ZNF217: variants seen among roughly 807,000 people sequenced by gnomAD.
ZNF217 encodes zinc finger protein 217.
A neutral mutation model predicts 73.3 loss-of-function variants in ZNF217; 12 were observed. The ratio of observed to expected loss-of-function variants is 0.16; its 90% CI spans 0.10 to 0.27. The LOEUF (loss-of-function observed/expected upper bound fraction) is 0.27, where lower values mean the gene tolerates loss of function less well. Among genes scored for constraint, ZNF217 ranks in the 10% least tolerant of loss-of-function variants. The pLI is 1.00. For synonymous variants in ZNF217, 588 were observed against 516.4 expected (o/e 1.14, Z -1.88); for missense variants, 1,195 against 1,327.8 (o/e 0.90, Z 1.55).
upstream of ZNF217, among the ~76,000 whole-genome samples, chr20:53,595,767 A>G (rs1600736119): frequency 6.6e-6 from 1 of 152,352 alleles, no homozygotes; most frequent in African/African-American, 2.4e-5. Context: ...ATATTTTTTA[A>G]ACTTATTGTC....
upstream of ZNF217, among the ~76,000 whole-genome samples, chr20:53,595,488 ACAGCT>A (rs1346328224): frequency 3.3e-5 from 5 of 152,240 alleles, no homozygotes; most frequent in Non-Finnish European, 7.3e-5. Context: ...ATTTGAGAAG[ACAGCT>A]CAGCAAAGGG....
At chr20:53,589,434 T>G (rs554990245) in intron 1 of ZNF217, among the ~76,000 whole-genome samples, 5 of 152,308 alleles carry the variant, frequency 3.3e-5, no homozygotes, top group Non-Finnish European at 7.3e-5. Context: ...TTCAGAACAG[T>G]CAGTCAACAA....
chr20:53,582,061 C>T lies in ZNF217; in HGVS notation c.766G>A (p.Gly256Arg), dbSNP rs866075170. Reference protein sequence around the residue: ...TSSAQTDSPQGGMPSSREDFL... With the variant: ...TSSAQTDSPQRGMPSSREDFL... ...TCCTCCCTCGAGGACGGCATTCCTC[C>T]TTGTGGAGAGTCTGTCTGCGCGCTG... The change falls in exon 2 of 6, where the codon GGA becomes AGA. Residue 256 changes from glycine to arginine, a missense_variant. Physicochemically the swap from Gly to Arg is moderately radical, Grantham distance 125. This residue lies in a region of ZNF217 where 126 missense variants were observed against 114.4 expected (regional missense o/e 1.10). Coordinates refer to ENST00000371471, the MANE Select transcript of ZNF217 (RefSeq NM_006526.3). The surrounding 1 kb of genome is among the most constrained non-coding windows in gnomAD (Gnocchi z 4.8). The T allele has an allele frequency of 6.2e-7, 1 of 1,614,102 alleles. No homozygotes were observed. The highest frequency in any genetic ancestry group is 8.5e-7 in the Non-Finnish European group (1 of 1,180,042).
chr20:53,597,588 AATATATTTATATATATGTATATAT>A (rs1989062386), upstream of ZNF217: 1 of 148,976 alleles, frequency 6.7e-6, no homozygotes, highest in African/African-American at 2.5e-5. Context: ...CTATTAAAAA[AATATATTTATATATATGTATATAT>A]ATATATAGCA....
Position 53,567,467 on chromosome 20 carries a change from G to A in ZNF217, c.*1821C>T, listed in dbSNP as rs1055356793. The A allele has an allele frequency of 7.2e-5, 11 of 151,980 alleles. No individual in the cohort carries two copies. The highest frequency in any genetic ancestry group is 1.6e-4 in the Non-Finnish European group (11 of 68,002). 9.4% of individuals were successfully genotyped at this position (151,980 alleles called of 1,614,324 possible). A position where few individuals can be genotyped will look rare whatever the true frequency, so the allele number is the denominator to read the frequency against. ...CGACTTGTTTTCAAATAGATTTGGT[G>A]ATTCTTTTTTTTAAATACAGGTTTA... is the stretch of plus-strand genomic sequence containing the variant. On this transcript the variant is annotated 3_prime_UTR_variant, in exon 6 of 6. Coordinates refer to ENST00000371471, the MANE Select transcript of ZNF217 (RefSeq NM_006526.3).
chr20:53,570,110 C>G (rs1230727941), intron 5 of ZNF217, among the ~76,000 whole-genome samples: 2 of 152,178 alleles, frequency 1.3e-5, no homozygotes, highest in Non-Finnish European at 2.9e-5. Flanking sequence ...CTGTTTGCTA[C>G]TACTGATCAG....
rs992451530 is a variant in ZNF217, at chr20:53,581,164, A to AT, written c.1366+296dup. On this transcript the variant is annotated intron_variant, in intron 2 of 5. Coordinates refer to ENST00000371471, the MANE Select transcript of ZNF217 (RefSeq NM_006526.3). This position sits in a 1 kb window ranked among gnomAD's most constrained non-coding sequence, Gnocchi z 4.9. ...TGCATTTGGGCTGGATGCACAAGTT[A>AT]TTTTTTTTTTAAAGTGTGTTTTGTG... Among the ~76,000 whole-genome samples the AT allele has an allele frequency of 5.3e-5, 8 of 150,296 alleles. No individual in the cohort carries two copies. Among genetic ancestry groups the AT allele is most frequent in the East Asian group, 1.9e-4 (1 of 5,136 alleles).
intron 1 of ZNF217, among the ~76,000 whole-genome samples, chr20:53,592,765 CGA>C (rs1038066038): frequency 1.3e-5 from 2 of 150,222 alleles, no homozygotes; most frequent in Non-Finnish European, 3.0e-5. Flanking sequence ...GGGGCCAAAT[CGA>C]GAGACAAGAG....
rs1344724586 is a variant in ZNF217, at chr20:53,581,595, G to C, written c.1232C>G (p.Ser411Cys). 1.1e-5 allele frequency: 17 copies of C among 1,614,112 alleles called. No homozygotes were observed. The highest frequency in any genetic ancestry group is 1.4e-5 in the Non-Finnish European group (17 of 1,180,048). ...RRAGAESPTM[S>C]VDGRQPGTCS... Reference sequence around the variant, plus strand: ...CGTCCCCGGCTGCCTCCCGTCCACAGACATGGTGGGCGACTCCGCGCCGGC... The same window carrying C: ...CGTCCCCGGCTGCCTCCCGTCCACACACATGGTGGGCGACTCCGCGCCGGC... The change falls in exon 2 of 6, where the codon TCT becomes TGT. Residue 411 changes from serine to cysteine, a missense_variant. Around this residue, in one of 9 missense-constraint regions of ZNF217, gnomAD observed 116 missense variants for 121.9 expected, o/e 0.95. Transcript: ENST00000371471. This position sits in a 1 kb window ranked among gnomAD's most constrained non-coding sequence, Gnocchi z 4.9.
chr20:53,571,937 A>C, intron 4 of ZNF217, 84 bp from the exon 5 acceptor site: 1 of 1,377,194 alleles, frequency 7.3e-7, no homozygotes, highest in Non-Finnish European at 9.7e-7. Context: ...CAATTTTCAA[A>C]ATTTCTGACA....
intron 1 of ZNF217, among the ~76,000 whole-genome samples, chr20:53,588,057 T>C (rs570039252): frequency 6.6e-6 from 1 of 152,316 alleles, no homozygotes. Flanking sequence ...GGTTACAACC[T>C]AAACTCTTCA....
intron 1 of ZNF217, among the ~76,000 whole-genome samples, chr20:53,585,526 G>A (rs1295848369): frequency 3.9e-5 from 6 of 152,170 alleles, no homozygotes; most frequent in Non-Finnish European, 1.5e-5. Context: ...CTGGGCAACA[G>A]AGCAAGTCTC....
chr20:53,586,226 T>C (rs530058434), intron 1 of ZNF217, among the ~76,000 whole-genome samples: 309 of 152,322 alleles, frequency 2.0e-3, no homozygotes, highest in African/African-American at 6.9e-3. Context: ...GACACATAGC[T>C]GGTGAATAAA....
upstream of ZNF217, chr20:53,597,605 GTATA>G (rs11472905): frequency 6.8e-6 from 1 of 147,982 alleles, no homozygotes; most frequent in East Asian, 2.0e-4. Context: ...TTATATATAT[GTATA>G]TATATATATA....
chr20:53,575,734 C>G lies in ZNF217; in HGVS notation c.3030G>C (p.Thr1010=). 1.3e-6 allele frequency: 2 copies of G among 1,576,138 alleles called. No homozygotes were observed. The highest frequency in any genetic ancestry group is 1.7e-6 in the Non-Finnish European group (2 of 1,162,356). ...ACGCCCCTCATGCAATACCTTCTAACGTCGAGCTGGATGCTGGACTACCAG... is the reference window on the plus strand; with the variant it reads ...ACGCCCCTCATGCAATACCTTCTAAGGTCGAGCTGGATGCTGGACTACCAG... ...VPAGSPASSS[T]LEGKRPVSYQ... Residue 1010 remains threonine, a synonymous_variant, in exon 4 of 6, where the codon ACG becomes ACC. Coordinates refer to ENST00000371471, the MANE Select transcript of ZNF217 (RefSeq NM_006526.3).
intron 1 of ZNF217, among the ~76,000 whole-genome samples, chr20:53,593,508 G>C (rs1988957344): frequency 6.6e-6 from 1 of 151,772 alleles, no homozygotes; most frequent in Non-Finnish European, 1.5e-5. Context: ...GAATCGTGCG[G>C]CGTGAGTGTG....
At chr20:53,590,136 T>C (rs1342090367) in intron 1 of ZNF217, among the ~76,000 whole-genome samples, 1 of 152,250 alleles carries the variant, frequency 6.6e-6, no homozygotes, top group Non-Finnish European at 1.5e-5. Flanking sequence ...TTGTAGTAAC[T>C]GGATTTAAAA....
upstream of ZNF217, among the ~76,000 whole-genome samples, chr20:53,595,040 A>G (rs1268823644): frequency 8.8e-6 from 1 of 113,482 alleles, no homozygotes; most frequent in Non-Finnish European, 1.7e-5. Context: ...GGGACAAAAA[A>G]AGGGACAAAA....
chr20:53,589,223 A>T (rs1988799768), intron 1 of ZNF217, among the ~76,000 whole-genome samples: 1 of 152,230 alleles, frequency 6.6e-6, no homozygotes, highest in African/African-American at 2.4e-5. Flanking sequence ...AGTCATGTGG[A>T]GGTCAGAAAC....
Sources: gnomAD v4.1 joint callset for allele counts (sites outside exome capture counted in the v4.1 genomes callset) on GRCh38, gnomAD v4.1.1 for gene constraint, gnomAD v4.1.1 regional missense constraint, Gnocchi (gnomAD v3.1) non-coding constraint, MANE v1.5 for transcripts, NCBI Gene and HGNC (gene_info 2026-07-23, HGNC 2026-07-21) for gene names.